KALRN: variants seen among roughly 807,000 people sequenced by gnomAD.
KALRN encodes the protein kalirin RhoGEF kinase.
Under a neutral mutation model 353.7 loss-of-function variants are expected in KALRN, and 70 were observed. The observed-to-expected ratio is 0.20, with a 90% CI of 0.16 to 0.24. KALRN has a LOEUF of 0.24. Ranked by LOEUF, KALRN falls within the 10% of genes least tolerant of loss-of-function variation. The pLI is 1.00. For synonymous variants in KALRN, 1,391 were observed against 1,434.8 expected (o/e 0.97, Z 0.69); for missense variants, 2,791 against 3,756.7 (o/e 0.74, Z 6.72).
intron 18 of KALRN, among the ~76,000 whole-genome samples, chr3:124,439,532 CAT>C (rs2093606980): frequency 6.6e-6 from 1 of 152,068 alleles, no homozygotes; most frequent in Non-Finnish European, 1.5e-5. Context: ...ATATCAAAAA[CAT>C]ATAAGCTTAG....
intron 1 of KALRN, among the ~76,000 whole-genome samples, chr3:124,200,338 T>C (rs958719799): frequency 4.6e-5 from 7 of 152,356 alleles, no homozygotes; most frequent in Middle Eastern, 3.4e-3. Flanking sequence ...ACAACAAACC[T>C]TTATTTCTCA....
chr3:124,551,271 A>G (rs971134191), intron 33 of KALRN, among the ~76,000 whole-genome samples: 2 of 152,236 alleles, frequency 1.3e-5, no homozygotes, highest in African/African-American at 2.4e-5. Context: ...GAGCAAATGG[A>G]AAGTATGGGG....
At chr3:124,188,716 T>C (rs977818166) in intron 1 of KALRN, among the ~76,000 whole-genome samples, 2 of 152,198 alleles carry the variant, frequency 1.3e-5, no homozygotes, top group African/African-American at 2.4e-5. Flanking sequence ...TTACCCTACC[T>C]GCTAGCTAAC....
intron 37 of KALRN, among the ~76,000 whole-genome samples, chr3:124,647,959 A>G (rs997562246): frequency 6.6e-6 from 1 of 152,158 alleles, no homozygotes; most frequent in African/African-American, 2.4e-5. Flanking sequence ...TGACTATGGG[A>G]ACATTTGTTG....
intron 34 of KALRN, among the ~76,000 whole-genome samples, chr3:124,587,356 G>GA: frequency 6.6e-6 from 1 of 152,048 alleles, no homozygotes; most frequent in East Asian, 1.9e-4. Context: ...CCCAAGGCAA[G>GA]GGGACTTGAC....
intron 6 of KALRN, among the ~76,000 whole-genome samples, chr3:124,319,993 C>CAATAAGAAT (rs374975923): frequency 6.6e-6 from 1 of 150,986 alleles, no homozygotes; most frequent in Non-Finnish European, 1.5e-5. Context: ...GACTCCATCT[C>CAATAAGAAT]AATAATAATA....
chr3:124,202,241 T>G (rs1043964767), intron 1 of KALRN, among the ~76,000 whole-genome samples: 2 of 152,066 alleles, frequency 1.3e-5, no homozygotes, highest in African/African-American at 4.8e-5. Context: ...CCACTTCACT[T>G]TAGTTTTTTT....
At chr3:124,620,862 G>A (rs996449987) in intron 34 of KALRN, among the ~76,000 whole-genome samples, 16 of 152,220 alleles carry the variant, frequency 1.1e-4, no homozygotes, top group Admixed American at 9.8e-4. Flanking sequence ...GAGACCTTGA[G>A]GACAGTCAAT....
chr3:124,565,744 C>T (rs1428237367), intron 34 of KALRN, among the ~76,000 whole-genome samples: 2 of 152,170 alleles, frequency 1.3e-5, no homozygotes, highest in African/African-American at 2.4e-5. Context: ...ATGTGCACTC[C>T]CTCCCTGCTG....
chr3:124,718,880 C>T lies in KALRN; in HGVS notation c.8416-45C>T, dbSNP rs775301409. The T allele has an allele frequency of 3.2e-6, 5 of 1,565,868 alleles. No individual in the cohort carries two copies. In the Admixed American group the frequency reaches 8.4e-5, roughly 26 times the overall value. ...GTATTTTGAGTAGTCAAAATAGAGGCCTAAACTTCCCTTCTTTTCTCCCTG... is the reference window on the plus strand; with the variant it reads ...GTATTTTGAGTAGTCAAAATAGAGGTCTAAACTTCCCTTCTTTTCTCCCTG... On this transcript the variant is annotated intron_variant, in intron 59 of 59. Coordinates refer to ENST00000682506, the MANE Select transcript of KALRN (RefSeq NM_001388419.1).
In KALRN at chr3:124,456,818, T is replaced by A. The variant is rs113815859; in HGVS notation, c.3854+90T>A. 2.0e-4 allele frequency: 159 copies of A among 790,450 alleles called. 1 individual carries two copies. In the African/African-American group the frequency reaches 2.4e-3, roughly 12 times the overall value. 49.0% of individuals were successfully genotyped at this position (790,450 alleles called of 1,614,324 possible). A position where few individuals can be genotyped will look rare whatever the true frequency, so the allele number is the denominator to read the frequency against. ...TGTCCCTTTGGATAGCTTAATATGT[T>A]CTCATGGCCACCTACAGGGATTGGG... On this transcript the variant is annotated intron_variant, in intron 23 of 59. Coordinates refer to ENST00000682506, the MANE Select transcript of KALRN (RefSeq NM_001388419.1).
chr3:124,473,409 C>G (rs1306104782), intron 25 of KALRN, among the ~76,000 whole-genome samples: 1 of 152,174 alleles, frequency 6.6e-6, no homozygotes, highest in Non-Finnish European at 1.5e-5. Context: ...AAGTGTCACC[C>G]ACCACTGTCC....
intron 5 of KALRN, among the ~76,000 whole-genome samples, chr3:124,285,629 G>A (rs1476428275): frequency 1.3e-5 from 2 of 152,078 alleles, no homozygotes; most frequent in Non-Finnish European, 2.9e-5. Context: ...TCTGCCTCCC[G>A]GGTTCAAGTG....
chr3:124,602,420 C>A (rs1290966192), intron 34 of KALRN, among the ~76,000 whole-genome samples: 1 of 152,172 alleles, frequency 6.6e-6, no homozygotes, highest in African/African-American at 2.4e-5. Flanking sequence ...GGGGTGCTCC[C>A]ATGAAGAGAA....
At chr3:124,262,099 G>C (rs1276763993) in intron 3 of KALRN, among the ~76,000 whole-genome samples, 2 of 152,140 alleles carry the variant, frequency 1.3e-5, no homozygotes, top group South Asian at 4.1e-4. Flanking sequence ...CAGGAAGGGG[G>C]TGGTACTGTC....
chr3:124,451,916 T>C (rs763226073), intron 21 of KALRN, among the ~76,000 whole-genome samples: 36 of 152,232 alleles, frequency 2.4e-4, no homozygotes, highest in Non-Finnish European at 4.4e-4. Context: ...TCACTTCTAC[T>C]CTGCAAGCAA....
At chr3:124,567,281 A>T (rs1247841444) in intron 34 of KALRN, among the ~76,000 whole-genome samples, 1 of 152,180 alleles carries the variant, frequency 6.6e-6, no homozygotes, top group African/African-American at 2.4e-5. Context: ...GGCTCAGGAA[A>T]GCAAGGTGAC....
chr3:124,140,821 G>A (rs1033966738), intron 1 of KALRN, among the ~76,000 whole-genome samples: 15 of 152,174 alleles, frequency 9.9e-5, no homozygotes. Context: ...GTAGGGGAGG[G>A]CTGGTCTCAC....
At chr3:124,625,577 A>G (rs2079856080) in intron 34 of KALRN, among the ~76,000 whole-genome samples, 1 of 152,004 alleles carries the variant, frequency 6.6e-6, no homozygotes, top group Non-Finnish European at 1.5e-5. Flanking sequence ...AAAAAAAAAA[A>G]GTACTGGTCC....
Sources: allele counts gnomAD v4.1 joint callset (sites outside exome capture counted in the v4.1 genomes callset), GRCh38; gene constraint gnomAD v4.1.1; transcripts MANE v1.5; gene names NCBI Gene and HGNC (gene_info 2026-07-23, HGNC 2026-07-21).